BCL7B: variants seen among roughly 807,000 people sequenced by gnomAD.
BCL7B encodes B-cell CLL/lymphoma 7 protein family member B.
In BCL7B, 11 loss-of-function variants were observed where a neutral mutation model predicts 26.5. The observed-to-expected ratio is 0.42, with a 90% CI of 0.26 to 0.69. The LOEUF is 0.69. Among genes scored for constraint, BCL7B ranks in the 30% least tolerant of loss-of-function variants. BCL7B has a pLI of 0.28. For synonymous variants in BCL7B, 111 were observed against 107.9 expected, an observed-to-expected ratio of 1.03 and a Z score of -0.18; for missense variants, 215 against 264.4, an observed-to-expected ratio of 0.81 and a Z score of 1.30.
At chr7:73,543,390 C>G (rs1181613792) in intron 3 of BCL7B, among the ~76,000 whole-genome samples, 158 bp downstream of exon 3, 2 of 152,032 alleles carry the variant, frequency 1.3e-5, no homozygotes, top group African/African-American at 4.8e-5. Flanking sequence ...ATTGGCCAGG[C>G]TCGTCTTGAA....
chr7:73,543,237 C>T (rs1318556380), intron 3 of BCL7B, among the ~76,000 whole-genome samples: 2 of 150,706 alleles, frequency 1.3e-5, no homozygotes, highest in Admixed American at 6.6e-5. Flanking sequence ...AGTGCAGTGG[C>T]GCAATCTCGG....
At chr7:73,539,072 G>A (rs933826485) in intron 4 of BCL7B, among the ~76,000 whole-genome samples, 1 of 152,060 alleles carries the variant, frequency 6.6e-6, no homozygotes, top group Non-Finnish European at 1.5e-5. Context: ...TGATTCTCCT[G>A]CCTCAGCCTC....
chr7:73,546,165 G>A (rs1033042910), intron 2 of BCL7B, among the ~76,000 whole-genome samples: 2 of 151,106 alleles, frequency 1.3e-5, no homozygotes, highest in Non-Finnish European at 2.9e-5. Context: ...AAAAACTACG[G>A]ATCAGGCTTC....
intron 5 of BCL7B, 119 bp downstream of exon 5, chr7:73,537,815 G>A: frequency 4.6e-6 from 3 of 649,880 alleles, no homozygotes; most frequent in Non-Finnish European, 7.8e-6. Flanking sequence ...TTGAACCCAG[G>A]AGGCAGTGGA....
intron 4 of BCL7B, among the ~76,000 whole-genome samples, chr7:73,538,855 A>T (rs1791643687): frequency 6.6e-6 from 1 of 151,340 alleles, no homozygotes; most frequent in Non-Finnish European, 1.5e-5. Flanking sequence ...AAAAAAATTT[A>T]GCATGTAATG....
chr7:73,547,170 A>C (rs575859200), intron 2 of BCL7B, among the ~76,000 whole-genome samples: 2 of 152,126 alleles, frequency 1.3e-5, no homozygotes, highest in East Asian at 3.9e-4. Flanking sequence ...AAAGCAAGCA[A>C]GCAAGCAGCT....
At chr7:73,550,932 C>T (rs775192437) in intron 2 of BCL7B, among the ~76,000 whole-genome samples, 1 of 152,190 alleles carries the variant, frequency 6.6e-6, no homozygotes, top group Non-Finnish European at 1.5e-5. Flanking sequence ...GCTGGGATTA[C>T]AGGCGTGAGC....
intron 3 of BCL7B, among the ~76,000 whole-genome samples, chr7:73,541,822 C>T (rs1307973821): frequency 6.6e-6 from 1 of 152,146 alleles, no homozygotes; most frequent in Non-Finnish European, 1.5e-5. Context: ...CATAGGAAGT[C>T]CTTTCTGATC....
In BCL7B at chr7:73,538,005, G is replaced by A; in HGVS notation, c.445C>T (p.Leu149=). Residue 149 remains leucine (L), a synonymous_variant, in exon 5 of 6, where the codon CTG becomes TTG. Coordinates refer to ENST00000223368, the MANE Select transcript of BCL7B (RefSeq NM_001707.4). Reference sequence around the variant, plus strand: ...TCATCAGCAACTTCCGAGGAGGGCAGGGAGGGCTCTGAAAAGGCAGTAGGG... The same window carrying A: ...TCATCAGCAACTTCCGAGGAGGGCAAGGAGGGCTCTGAAAAGGCAGTAGGG... ...LGQEILEEPS[L]PSSEVADEPP... is the part of the protein sequence containing the mutation. 2 of 1,600,592 alleles carry A rather than the reference G, an allele frequency of 1.2e-6. No homozygotes were observed. Among genetic ancestry groups the A allele is most frequent in the Non-Finnish European group, 1.7e-6 (2 of 1,173,490 alleles).
At position 73,537,312 on chromosome 7, in the gene BCL7B, C is replaced by G; in HGVS notation, c.595G>C (p.Ala199Pro). Residue 199 changes from alanine (A) to proline (P), a missense_variant, in exon 6 of 6, where the codon GCG becomes CCG. Transcript: ENST00000223368. ...CCGGGATGGTGCTAGCTTTCTGACG[C>G]CGTCTGCGGCACTGTGGGTTGGTCC... ...CVDQPTVPQTASES is the reference protein window; with the variant it reads ...CVDQPTVPQTPSES The G allele has an allele frequency of 6.2e-7, 1 of 1,614,066 alleles. No homozygotes were observed. The highest frequency in any genetic ancestry group is 8.5e-7 in the Non-Finnish European group (1 of 1,179,966).
At chr7:73,553,970 C>CTTT (rs34326622) in intron 1 of BCL7B, among the ~76,000 whole-genome samples, 1 of 127,854 alleles carries the variant, frequency 7.8e-6, no homozygotes. Flanking sequence ...ACAAAGGAGA[C>CTTT]TTTTTTTTTT....
rs1307825768 is a variant in BCL7B at position 73,557,139 on chromosome 7, C to T, written c.92+348G>A. ...TCAAGAGGAAGCCTGGAAACGCAGG[C>T]GGGGCCACTGCCCAGGAAGAGGGGA... On this transcript the variant is annotated intron_variant, in intron 1 of 5. Transcript: ENST00000223368. 6 of 1,003,754 alleles carry T rather than the reference C, an allele frequency of 6.0e-6. No individual in the cohort carries two copies. In the East Asian group the frequency reaches 3.0e-4, roughly 50 times the overall value. 62.2% of individuals were successfully genotyped at this position (1,003,754 alleles called of 1,614,324 possible).
chr7:73,543,941 C>T (rs1257978619), intron 2 of BCL7B: 2 of 220,962 alleles, frequency 9.1e-6, no homozygotes, highest in Non-Finnish European at 1.8e-5. Context: ...GATCAAATTG[C>T]GCCAGGCAAC....
intron 1 of BCL7B, 85 bp downstream of exon 1, chr7:73,557,402 C>G (rs1474335884): frequency 1.7e-6 from 2 of 1,164,310 alleles, no homozygotes; most frequent in Admixed American, 9.3e-5. Context: ...GCCGGCCGGT[C>G]GGCTCCCACC....
At chr7:73,554,685 C>A (rs1404945285) in intron 1 of BCL7B, among the ~76,000 whole-genome samples, 1 of 151,552 alleles carries the variant, frequency 6.6e-6, no homozygotes, top group Non-Finnish European at 1.5e-5. Context: ...GTAGTCCCGA[C>A]TACTCAGGAG....
chr7:73,545,032 A>AAC (rs746215727), intron 2 of BCL7B, among the ~76,000 whole-genome samples: 33 of 152,066 alleles, frequency 2.2e-4, no homozygotes, highest in Non-Finnish European at 4.4e-4. Flanking sequence ...CAACCTGGGC[A>AAC]ACACAGTTAG....
intron 2 of BCL7B, among the ~76,000 whole-genome samples, chr7:73,544,298 G>A (rs533648249): frequency 3.3e-5 from 5 of 152,150 alleles, no homozygotes; most frequent in Non-Finnish European, 7.3e-5. Flanking sequence ...GCATGTGCCT[G>A]TAATCCCAGC....
intron 1 of BCL7B, among the ~76,000 whole-genome samples, chr7:73,555,210 C>G (rs2115833260): frequency 6.6e-6 from 1 of 152,038 alleles, no homozygotes; most frequent in South Asian, 2.1e-4. Flanking sequence ...AGTTCAAGAC[C>G]AGCTTGGCCA....
At chr7:73,555,395 C>A (rs1584004235) in intron 1 of BCL7B, among the ~76,000 whole-genome samples, 2 of 81,370 alleles carry the variant, frequency 2.5e-5, no homozygotes, top group African/African-American at 1.2e-4. Flanking sequence ...GAGCAAGACT[C>A]TGTCTCAAAA....
Sources: allele counts gnomAD v4.1 joint callset (sites outside exome capture counted in the v4.1 genomes callset), GRCh38; gene constraint gnomAD v4.1.1; transcripts MANE v1.5; gene names NCBI Gene and HGNC (gene_info 2026-07-23, HGNC 2026-07-21).